GRIN3A: variants seen among roughly 807,000 people sequenced by gnomAD.
GRIN3A encodes glutamate ionotropic receptor NMDA type subunit 3A.
Under a neutral mutation model 92.4 loss-of-function variants are expected in GRIN3A, and 47 were observed. The ratio of observed to expected loss-of-function variants is 0.51; its 90% confidence interval spans 0.40 to 0.65. GRIN3A has a LOEUF of 0.65. GRIN3A is among the 30% of genes least tolerant of loss of function. The pLI is 0.00. For missense variants in GRIN3A, 1,324 were observed against 1,393.1 expected, an observed-to-expected ratio of 0.95 and a Z score of 0.79; for synonymous variants, 527 against 540.6, an observed-to-expected ratio of 0.97 and a Z score of 0.35.
At chr9:101,584,945 T>C (rs1377634026) in intron 6 of GRIN3A, among the ~76,000 whole-genome samples, 4 of 152,232 alleles carry the variant, frequency 2.6e-5, no homozygotes, top group African/African-American at 9.6e-5. Context: ...AATCAAGATC[T>C]ATGCAGCTAA....
At chr9:101,604,775 T>C (rs899006591) in intron 6 of GRIN3A, among the ~76,000 whole-genome samples, 4 of 152,166 alleles carry the variant, frequency 2.6e-5, no homozygotes, top group African/African-American at 9.6e-5. Flanking sequence ...TTAATATGAA[T>C]TAAAGATAAA....
intron 1 of GRIN3A, among the ~76,000 whole-genome samples, chr9:101,734,223 T>C (rs1248045581): frequency 6.6e-6 from 1 of 152,176 alleles, no homozygotes; most frequent in Non-Finnish European, 1.5e-5. Flanking sequence ...AGAAAGAAAG[T>C]ATAACTGCAG....
Position 101,729,549 on chromosome 9 carries a change from T to C in GRIN3A, c.699+7732A>G, listed in dbSNP as rs543149286. 1.5e-3 allele frequency among the ~76,000 whole-genome samples: 227 copies of C among 152,284 alleles called. 1 individual carries two copies. Among genetic ancestry groups the C allele is most frequent in the African/African-American group, 5.3e-3 (219 of 41,572 alleles). On this transcript the variant is annotated intron_variant, in intron 1 of 8. Transcript: ENST00000361820. ...ACCTTGACTTCTTCTGCCTCCTTCT[T>C]ATAAGAATCCTTGTGATGACATTGA...
chr9:101,649,489 T>G lies in GRIN3A; in HGVS notation c.2352+20571A>C, dbSNP rs13290403. Among the ~76,000 whole-genome samples, 511 of 151,850 alleles carry G rather than the reference T, an allele frequency of 3.4e-3. 2 individuals are homozygous for G. The highest frequency in any genetic ancestry group is 5.0e-3 in the Non-Finnish European group (337 of 67,902). On this transcript the variant is annotated intron_variant, in intron 3 of 8. Coordinates refer to ENST00000361820, the MANE Select transcript of GRIN3A (RefSeq NM_133445.3). The stretch of plus-strand genomic sequence containing the variant: ...TGGGCTTTTCATGAAGATTCCAGAC[T>G]GGTGGGGAGAATGAATCTACGCCTC...
chr9:101,696,576 G>T (rs1284446236), intron 1 of GRIN3A, among the ~76,000 whole-genome samples: 1 of 152,114 alleles, frequency 6.6e-6, no homozygotes, highest in African/African-American at 2.4e-5. Flanking sequence ...TACACAGGCA[G>T]ATGATTTACA....
intron 3 of GRIN3A, among the ~76,000 whole-genome samples, chr9:101,641,801 A>T (rs1828868328): frequency 6.6e-6 from 1 of 151,952 alleles, no homozygotes. Flanking sequence ...TTAAAAAAAA[A>T]AACGAAATGC....
intron 3 of GRIN3A, among the ~76,000 whole-genome samples, chr9:101,660,357 G>A (rs1483799813): frequency 6.6e-6 from 1 of 151,664 alleles, no homozygotes; most frequent in Non-Finnish European, 1.5e-5. Context: ...GTCACCTTTG[G>A]ACATAATTTC....
At chr9:101,668,448 A>G (rs866987636) in intron 3 of GRIN3A, among the ~76,000 whole-genome samples, 47 of 152,190 alleles carry the variant, frequency 3.1e-4, no homozygotes, top group African/African-American at 1.1e-3. Flanking sequence ...ATTCTCACAA[A>G]TAATCTAAGT....
chr9:101,701,057 AC>A (rs528421888), intron 1 of GRIN3A, among the ~76,000 whole-genome samples: 18 of 152,164 alleles, frequency 1.2e-4, no homozygotes, highest in Non-Finnish European at 2.6e-4. Flanking sequence ...ATGGACAACT[AC>A]CGCGAAACTT....
intron 3 of GRIN3A, among the ~76,000 whole-genome samples, chr9:101,653,571 T>C (rs2118920986): frequency 6.6e-6 from 1 of 152,026 alleles, no homozygotes; most frequent in Non-Finnish European, 1.5e-5. Context: ...GTTGCTTTCC[T>C]AGTAAAACCA....
At chr9:101,622,152 C>T (rs1357994467) in intron 5 of GRIN3A, among the ~76,000 whole-genome samples, 4 of 152,270 alleles carry the variant, frequency 2.6e-5, no homozygotes, top group Non-Finnish European at 5.9e-5. Flanking sequence ...TCAGCTGTAA[C>T]ATTCTCATTT....
intron 3 of GRIN3A, among the ~76,000 whole-genome samples, chr9:101,663,369 A>G (rs1197833586): frequency 2.6e-5 from 4 of 151,854 alleles, no homozygotes; most frequent in African/African-American, 9.7e-5. Context: ...TTGCAAGGAC[A>G]GTGTCTATTT....
intron 6 of GRIN3A, chr9:101,595,022 G>C: frequency 7.2e-7 from 1 of 1,391,106 alleles, no homozygotes; most frequent in Non-Finnish European, 9.7e-7. Flanking sequence ...GCCATGGGGT[G>C]GGGGTAGAGG....
rs572189619 is a variant in GRIN3A, at chr9:101,629,832, T to A, written c.2353-1431A>T. Among the ~76,000 whole-genome samples the A allele has an allele frequency of 3.3e-5, 5 of 152,306 alleles. No individual in the cohort carries two copies. The East Asian group carries it at 9.7e-4, about 29-fold the overall frequency. On this transcript the variant is annotated intron_variant, in intron 3 of 8. Transcript: ENST00000361820. Reference sequence around the variant, plus strand: ...ACTGAAGCTCAGAGAAGTGAAGTAATGGGCATAAGGTCATGCAGTTGTAAG... The same window carrying A: ...ACTGAAGCTCAGAGAAGTGAAGTAAAGGGCATAAGGTCATGCAGTTGTAAG...
At chr9:101,734,971 G>A (rs1009384827) in intron 1 of GRIN3A, among the ~76,000 whole-genome samples, 1 of 151,682 alleles carries the variant, frequency 6.6e-6, no homozygotes, top group African/African-American at 2.4e-5. Context: ...TATATAGAAA[G>A]TTTTTAAAAA....
intron 5 of GRIN3A, 71 bp from the exon 6 acceptor site, chr9:101,613,598 T>G (rs1828399028): frequency 1.4e-6 from 2 of 1,449,370 alleles, no homozygotes; most frequent in South Asian, 2.3e-5. Flanking sequence ...AGTACATATT[T>G]GTGTGATACT....
At chr9:101,715,373 A>T (rs1220261232) in intron 1 of GRIN3A, among the ~76,000 whole-genome samples, 2 of 152,160 alleles carry the variant, frequency 1.3e-5, no homozygotes, top group Non-Finnish European at 2.9e-5. Flanking sequence ...CTCCATGTTT[A>T]AGGCCGGGCA....
Position 101,670,604 on chromosome 9 carries a change from C to G in GRIN3A, c.1808G>C (p.Gly603Ala), listed in dbSNP as rs761478573. Reference protein sequence around the residue: ...FDFDLYIVGDGKYGAWKNGHW... With the variant: ...FDFDLYIVGDAKYGAWKNGHW... ...CCCATTTTTCCATGCTCCATACTTT[C>G]CATCCCCTACAATATAGAGGTCGAA... The change falls in exon 3 of 9, where the codon GGA becomes GCA. Residue 603 changes from glycine to alanine, a missense_variant. Physicochemically the swap from Gly to Ala is moderately conservative, Grantham distance 60. Coordinates refer to ENST00000361820, the MANE Select transcript of GRIN3A (RefSeq NM_133445.3). The G allele has an allele frequency of 1.2e-6, 2 of 1,614,046 alleles. No individual in the cohort carries two copies. Among genetic ancestry groups the G allele is most frequent in the Admixed American group, 1.7e-5 (1 of 59,994 alleles).
rs79411711 is a variant in GRIN3A at position 101,603,592 on chromosome 9, C to T, written c.2766+9784G>A. 2.9e-3 allele frequency among the ~76,000 whole-genome samples: 446 copies of T among 152,194 alleles called. 1 individual carries two copies. Among genetic ancestry groups the T allele is most frequent in the Non-Finnish European group, 4.5e-3 (306 of 68,014 alleles). On this transcript the variant is annotated intron_variant, in intron 6 of 8. Coordinates refer to ENST00000361820, the MANE Select transcript of GRIN3A (RefSeq NM_133445.3). ...TCCATATAAGACTAGAAAAGATGTCCCTGCCTTTGAGGAGGTGGTAGGGAA... is the reference window on the plus strand; with the variant it reads ...TCCATATAAGACTAGAAAAGATGTCTCTGCCTTTGAGGAGGTGGTAGGGAA...
Sources: allele counts gnomAD v4.1 joint callset (sites outside exome capture counted in the v4.1 genomes callset), GRCh38; gene constraint gnomAD v4.1.1; transcripts MANE v1.5; gene names NCBI Gene and HGNC (gene_info 2026-07-23, HGNC 2026-07-21).